NCOA1: variants seen among roughly 807,000 people sequenced by gnomAD.
The protein encoded by NCOA1 is Hin-2 protein.
Under a neutral mutation model 150.9 loss-of-function variants are expected in NCOA1, and 35 were observed. The observed-to-expected ratio is 0.23, with a 90% confidence interval of 0.18 to 0.31. The LOEUF is 0.31. NCOA1 is among the 10% of genes least tolerant of loss of function. The probability of loss-of-function intolerance (pLI) is 1.00; values close to 1 mark genes in which losing one functional copy is unlikely to be tolerated. For synonymous variants in NCOA1, 590 were observed against 630.0 expected, an observed-to-expected ratio of 0.94 and a Z score of 0.95; for missense variants, 1,491 against 1,749.3, an observed-to-expected ratio of 0.85 and a Z score of 2.63.
At chr2:24,749,432 G>A (rs1463386918) in intron 19 of NCOA1, among the ~76,000 whole-genome samples, 1 of 152,220 alleles carries the variant, frequency 6.6e-6, no homozygotes, top group Non-Finnish European at 1.5e-5. Context: ...GCGGGCATGC[G>A]TGTTTGTGTG....
intron 1 of NCOA1, among the ~76,000 whole-genome samples, chr2:24,497,817 G>A (rs1663288485): frequency 6.6e-6 from 1 of 152,066 alleles, no homozygotes; most frequent in South Asian, 2.1e-4. Context: ...AAGTTTTGTT[G>A]GTATTTAAAT....
chr2:24,568,160 T>C (rs951443486), intron 2 of NCOA1, among the ~76,000 whole-genome samples: 9 of 152,172 alleles, frequency 5.9e-5, no homozygotes, highest in Admixed American at 2.0e-4. Context: ...ATCTCACAAA[T>C]TTGTGCTTGG....
chr2:24,520,838 G>T (rs986923570), intron 1 of NCOA1, among the ~76,000 whole-genome samples: 2 of 152,188 alleles, frequency 1.3e-5, no homozygotes, highest in Non-Finnish European at 2.9e-5. Flanking sequence ...AGTCTGTGTA[G>T]TGTCCTACAA....
intron 1 of NCOA1, chr2:24,554,379 G>GT (rs990173062): frequency 6.6e-6 from 1 of 151,814 alleles, no homozygotes; most frequent in African/African-American, 2.4e-5. Flanking sequence ...TGTGTTTTTT[G>GT]TTTTTTCAGG....
chr2:24,721,113 T>A (rs911359477), intron 14 of NCOA1, among the ~76,000 whole-genome samples: 4 of 152,212 alleles, frequency 2.6e-5, no homozygotes, highest in African/African-American at 7.2e-5. Flanking sequence ...ACTTTCCAGA[T>A]CAAAACTAAA....
intron 1 of NCOA1, among the ~76,000 whole-genome samples, chr2:24,547,987 T>TGAAAAAAA (rs1665670074): frequency 5.1e-5 from 1 of 19,560 alleles, no homozygotes; most frequent in Non-Finnish European, 1.0e-4. Context: ...AGACTCTGTC[T>TGAAAAAAA]CAAAAAAAAA....
chr2:24,703,079 T>C (rs1346264863), intron 11 of NCOA1, among the ~76,000 whole-genome samples: 1 of 152,228 alleles, frequency 6.6e-6, no homozygotes, highest in Non-Finnish European at 1.5e-5. Flanking sequence ...ACTCATTCAA[T>C]ACCTGATATG....
At chr2:24,740,035 T>C (rs1663525957) in intron 18 of NCOA1, among the ~76,000 whole-genome samples, 1 of 152,088 alleles carries the variant, frequency 6.6e-6, no homozygotes, top group Admixed American at 6.6e-5. Flanking sequence ...GGTGGACTTC[T>C]AAATGTTACC....
At chr2:24,693,836 A>T (rs1484782806) in intron 10 of NCOA1, among the ~76,000 whole-genome samples, 1 of 152,168 alleles carries the variant, frequency 6.6e-6, no homozygotes, top group Non-Finnish European at 1.5e-5. Flanking sequence ...TGGTTGAACA[A>T]AAATGATTCA....
chr2:24,589,630 GGTGTGTGTGT>G (rs148118845), intron 3 of NCOA1, among the ~76,000 whole-genome samples: 14 of 147,548 alleles, frequency 9.5e-5, no homozygotes, highest in African/African-American at 2.2e-4. Flanking sequence ...AGAGGTTGGT[GGTGTGTGTGT>G]GTGTGTGTGT....
intron 1 of NCOA1, among the ~76,000 whole-genome samples, chr2:24,561,608 A>G (rs1453727207): frequency 6.6e-6 from 1 of 152,208 alleles, no homozygotes; most frequent in Non-Finnish European, 1.5e-5. Context: ...TTTTGGTTTT[A>G]GAAGCAGTAG....
At chr2:24,737,669 T>G (rs1213893438) in intron 17 of NCOA1, among the ~76,000 whole-genome samples, 1 of 152,190 alleles carries the variant, frequency 6.6e-6, no homozygotes, top group Non-Finnish European at 1.5e-5. Flanking sequence ...AGCTCACTCA[T>G]GCTTCTTGGT....
chr2:24,651,808 A>G (rs2148478830), intron 4 of NCOA1, among the ~76,000 whole-genome samples: 1 of 152,200 alleles, frequency 6.6e-6, no homozygotes, highest in East Asian at 1.9e-4. Context: ...TGATTAGGGA[A>G]ATAGAAATCA....
At chr2:24,606,882 A>C (rs191866898) in intron 3 of NCOA1, among the ~76,000 whole-genome samples, 23 of 152,344 alleles carry the variant, frequency 1.5e-4, no homozygotes, top group Admixed American at 1.2e-3. Context: ...AAATAACCAC[A>C]GTCCCTTGCT....
chr2:24,642,250 A>G (rs1670264612), intron 3 of NCOA1, among the ~76,000 whole-genome samples: 1 of 151,042 alleles, frequency 6.6e-6, no homozygotes, highest in Admixed American at 6.6e-5. Flanking sequence ...TTGAATTTCC[A>G]TTTATTTCTT....
At chr2:24,743,134 T>C (rs1410967206) in intron 19 of NCOA1, among the ~76,000 whole-genome samples, 2 of 152,222 alleles carry the variant, frequency 1.3e-5, no homozygotes, top group Non-Finnish European at 2.9e-5. Flanking sequence ...CAAACTTTTA[T>C]GCAAAATTAA....
intron 3 of NCOA1, among the ~76,000 whole-genome samples, chr2:24,616,184 T>C (rs1172759871): frequency 6.6e-6 from 1 of 152,176 alleles, no homozygotes; most frequent in East Asian, 1.9e-4. Context: ...CTTCAGAGGA[T>C]GGAAATGATG....
intron 1 of NCOA1, among the ~76,000 whole-genome samples, chr2:24,554,958 A>ACG (rs1388120915): frequency 1.3e-5 from 2 of 152,158 alleles, no homozygotes; most frequent in Non-Finnish European, 2.9e-5. Flanking sequence ...TGAAGCGTCT[A>ACG]CGTTGTCTGG....
chr2:24,523,047 G>A (rs1000316000), intron 1 of NCOA1, among the ~76,000 whole-genome samples: 3 of 152,030 alleles, frequency 2.0e-5, no homozygotes, highest in South Asian at 2.1e-4. Flanking sequence ...AAAATAATAC[G>A]ATGTAATTTC....
Sources: allele counts gnomAD v4.1 joint callset (sites outside exome capture counted in the v4.1 genomes callset), GRCh38; gene constraint gnomAD v4.1.1; transcripts MANE v1.5; gene names NCBI Gene and HGNC (gene_info 2026-07-23, HGNC 2026-07-21).